The following SGCZ variants were observed in gnomAD, a reference collection of about 807,000 sequenced individuals.
SGCZ encodes the protein sarcoglycan zeta.
A neutral mutation model predicts 41.3 loss-of-function variants in SGCZ; 40 were observed. The observed-to-expected ratio is 0.97, with a 90% CI of 0.75 to 1.26. The LOEUF is 1.26. Among genes scored for constraint, SGCZ ranks in the 50% most tolerant of loss-of-function variants. The pLI is 0.00. For missense variants in SGCZ, 552 were observed against 369.8 expected (o/e 1.49, Z -4.04); for synonymous variants, 206 against 137.5 (o/e 1.50, Z -3.49).
intron 1 of SGCZ, among the ~76,000 whole-genome samples, chr8:14,881,996 G>A (rs7825092): frequency 0.065 from 9,866 of 152,190 alleles, 990 homozygotes; most frequent in African/African-American, 0.21. Context: ...TAATGAAATT[G>A]ACAGACATCA....
intron 1 of SGCZ, among the ~76,000 whole-genome samples, chr8:15,150,750 G>C (rs73527025): frequency 0.01 from 1,523 of 152,210 alleles, 24 homozygotes; most frequent in African/African-American, 0.034. Flanking sequence ...CTTCCTGCTT[G>C]GTTTCTGGAA....
chr8:14,436,641 G>A (rs1035903291), intron 2 of SGCZ, among the ~76,000 whole-genome samples: 1 of 152,198 alleles, frequency 6.6e-6, no homozygotes, highest in Non-Finnish European at 1.5e-5. Context: ...TCACTGTTAG[G>A]ATCCTGCAAG....
chr8:14,842,071 G>C (rs937277912), intron 1 of SGCZ, among the ~76,000 whole-genome samples: 2 of 152,146 alleles, frequency 1.3e-5, no homozygotes, highest in African/African-American at 4.8e-5. Flanking sequence ...GTAGATTCTA[G>C]TAAGACGATG....
chr8:14,346,047 A>C (rs747727915), intron 2 of SGCZ, among the ~76,000 whole-genome samples: 106 of 152,248 alleles, frequency 7.0e-4, no homozygotes, highest in Non-Finnish European at 1.4e-3. Flanking sequence ...AGAATATACA[A>C]CACAAAGAGT....
chr8:14,633,664 T>A (rs1806732115), intron 1 of SGCZ, among the ~76,000 whole-genome samples: 1 of 151,884 alleles, frequency 6.6e-6, no homozygotes, highest in African/African-American at 2.4e-5. Context: ...TCTTCTTACT[T>A]ATTTGTATAC....
intron 1 of SGCZ, among the ~76,000 whole-genome samples, chr8:15,024,717 A>G (rs1803383611): frequency 6.6e-6 from 1 of 152,058 alleles, no homozygotes; most frequent in Non-Finnish European, 1.5e-5. Flanking sequence ...CGGGCAGATC[A>G]TGAGGTCAGG....
chr8:14,819,707 T>C (rs1802016332), intron 1 of SGCZ, among the ~76,000 whole-genome samples: 1 of 152,058 alleles, frequency 6.6e-6, no homozygotes. Flanking sequence ...ATAAGTAAAT[T>C]AGAGCAACAA....
chr8:14,658,766 G>A (rs1321979360), intron 1 of SGCZ, among the ~76,000 whole-genome samples: 1 of 152,004 alleles, frequency 6.6e-6, no homozygotes, highest in East Asian at 1.9e-4. Context: ...TAGCTCAGTA[G>A]AATGCAGTTT....
At chr8:14,184,127 G>T (rs957225476) in intron 4 of SGCZ, among the ~76,000 whole-genome samples, 6 of 152,010 alleles carry the variant, frequency 3.9e-5, no homozygotes, top group African/African-American at 1.4e-4. Flanking sequence ...GAGTAACAAA[G>T]AATCTTAAAA....
intron 1 of SGCZ, among the ~76,000 whole-genome samples, chr8:14,654,656 C>T (rs1057047749): frequency 1.3e-5 from 2 of 152,060 alleles, no homozygotes; most frequent in African/African-American, 4.8e-5. Context: ...ACTGAAACTA[C>T]TGCTTCCCGA....
chr8:14,677,087 A>T (rs946207563), intron 1 of SGCZ, among the ~76,000 whole-genome samples: 2 of 152,036 alleles, frequency 1.3e-5, no homozygotes, highest in African/African-American at 4.8e-5. Context: ...CCAAAAAAAA[A>T]CCTCTCCTGG....
chr8:15,229,405 G>C (rs1037232454), intron 1 of SGCZ, among the ~76,000 whole-genome samples: 1 of 152,132 alleles, frequency 6.6e-6, no homozygotes, highest in Non-Finnish European at 1.5e-5. Context: ...AAAGATACAG[G>C]TATTTGTTGG....
intron 1 of SGCZ, among the ~76,000 whole-genome samples, chr8:14,685,290 C>T (rs1401796189): frequency 1.3e-5 from 2 of 151,982 alleles, no homozygotes; most frequent in African/African-American, 2.4e-5. Context: ...TTGGGGTGGA[C>T]ATTTCCAATT....
intron 1 of SGCZ, among the ~76,000 whole-genome samples, chr8:14,784,217 A>T (rs936863551): frequency 6.6e-6 from 1 of 150,938 alleles, no homozygotes; most frequent in Non-Finnish European, 1.5e-5. Flanking sequence ...AGCCTGGCTA[A>T]TTTTTTTTTA....
chr8:14,633,072 C>T (rs1294021053), intron 1 of SGCZ, among the ~76,000 whole-genome samples: 1 of 151,978 alleles, frequency 6.6e-6, no homozygotes, highest in Non-Finnish European at 1.5e-5. Flanking sequence ...TTATACCTGT[C>T]TTGTAACTGT....
chr8:15,019,185 T>C (rs75398060), intron 1 of SGCZ, among the ~76,000 whole-genome samples: 1,690 of 152,234 alleles, frequency 0.011, 26 homozygotes, highest in African/African-American at 0.039. Context: ...TCAGCTGTGA[T>C]TTGATGTGAT....
intron 1 of SGCZ, among the ~76,000 whole-genome samples, chr8:14,989,728 A>C (rs1801943135): frequency 6.6e-6 from 1 of 152,184 alleles, no homozygotes; most frequent in Non-Finnish European, 1.5e-5. Flanking sequence ...AGCAGAAATG[A>C]GTGTTCTTTA....
intron 1 of SGCZ, among the ~76,000 whole-genome samples, chr8:14,988,175 G>A (rs1801890575): frequency 6.6e-6 from 1 of 151,742 alleles, no homozygotes. Context: ...TACAGTATCT[G>A]TGATATCCAA....
At chr8:15,208,900 T>TAGAG (rs758727806) in intron 1 of SGCZ, among the ~76,000 whole-genome samples, 1,964 of 129,298 alleles carry the variant, frequency 0.015, 14 homozygotes, top group Non-Finnish European at 0.024. Flanking sequence ...TATACATATA[T>TAGAG]ATAGAGAGAG....
Sources: gnomAD v4.1 joint callset for allele counts (sites outside exome capture counted in the v4.1 genomes callset) on GRCh38, gnomAD v4.1.1 for gene constraint, MANE v1.5 for transcripts, NCBI Gene and HGNC (gene_info 2026-07-23, HGNC 2026-07-21) for gene names.